The following RIMS1 variants were observed in gnomAD, a reference collection of about 807,000 sequenced individuals.
RIMS1 encodes regulating synaptic membrane exocytosis protein 1.
A neutral mutation model predicts 214.1 loss-of-function variants in RIMS1; 83 were observed. The observed-to-expected ratio is 0.39, with a 90% confidence interval of 0.32 to 0.47. The LOEUF is 0.47. RIMS1 is among the 20% of genes least tolerant of loss of function. The pLI, the probability that RIMS1 is intolerant of heterozygous loss-of-function variation, is 0.99. For missense variants in RIMS1, 2,050 were observed against 2,161.8 expected, an observed-to-expected ratio of 0.95 and a Z score of 1.03; for synonymous variants, 793 against 786.8, an observed-to-expected ratio of 1.01 and a Z score of -0.13.
At chr6:72,238,397 T>C (rs2065198580) in intron 9 of RIMS1, among the ~76,000 whole-genome samples, 1 of 152,092 alleles carries the variant, frequency 6.6e-6, no homozygotes, top group Non-Finnish European at 1.5e-5. Flanking sequence ...AGCATAATCA[T>C]AATCACATTT....
At chr6:71,986,182 T>C (rs1799882991) in intron 2 of RIMS1, among the ~76,000 whole-genome samples, 1 of 122,842 alleles carries the variant, frequency 8.1e-6, no homozygotes, top group Non-Finnish European at 1.7e-5. Context: ...ATCACAACTT[T>C]GGGTTTTGTT....
At chr6:72,326,380 C>T (rs2096465233) in intron 28 of RIMS1, among the ~76,000 whole-genome samples, 1 of 151,830 alleles carries the variant, frequency 6.6e-6, no homozygotes, top group South Asian at 2.1e-4. Context: ...CAAAGTCTGG[C>T]AAATGAAGGT....
chr6:72,256,024 GAAAAAA>G (rs60682826), intron 16 of RIMS1, among the ~76,000 whole-genome samples: 2 of 100,028 alleles, frequency 2.0e-5, no homozygotes, highest in Admixed American at 1.1e-4. Flanking sequence ...GACTCCATCT[GAAAAAA>G]AAAAAAAAAA....
At position 72,080,341 on chromosome 6, in the gene RIMS1, G is replaced by A. The variant is rs542171427; in HGVS notation, c.246-16608G>A. ...GTGCCTACCTGCACAGACTCTGGGA[G>A]AGTTAAAGCAAGGTAGAAGGAAGAT... On this transcript the variant is annotated intron_variant, in intron 2 of 33. Transcript: ENST00000521978. Among the ~76,000 whole-genome samples the A allele has an allele frequency of 2.6e-5, 4 of 152,240 alleles. No homozygotes were observed. The South Asian group carries it at 8.3e-4, about 32-fold the overall frequency.
rs201605556 is a variant in RIMS1 at position 71,896,250 on chromosome 6, TA to T, written c.164+9064del. On this transcript the variant is annotated intron_variant, in intron 1 of 33. Transcript: ENST00000521978. Reference sequence around the variant, plus strand: ...AAAATAAAATACAGTAAAGTCTTCTTATATTGAGAATGGATATTTCAATTTA... The same window carrying T: ...AAAATAAAATACAGTAAAGTCTTCTTTATTGAGAATGGATATTTCAATTTA... 3.3e-5 allele frequency among the ~76,000 whole-genome samples: 5 copies of T among 152,366 alleles called. No individual in the cohort carries two copies. The East Asian group carries it at 9.6e-4, about 29-fold the overall frequency.
intron 26 of RIMS1, among the ~76,000 whole-genome samples, chr6:72,295,372 T>C (rs1364716517): frequency 1.3e-5 from 2 of 151,942 alleles, no homozygotes; most frequent in South Asian, 2.1e-4. Flanking sequence ...TTACTTAAAT[T>C]AGAATTTTCT....
chr6:72,233,744 AC>A, intron 6 of RIMS1, 28 bp from the exon 7 acceptor site: 1 of 1,486,836 alleles, frequency 6.7e-7, no homozygotes, highest in Non-Finnish European at 9.2e-7. Context: ...TAATACCATT[AC>A]ACTTTTCATT....
At chr6:72,132,204 G>C (rs1430932154) in intron 4 of RIMS1, among the ~76,000 whole-genome samples, 1 of 152,152 alleles carries the variant, frequency 6.6e-6, no homozygotes, top group Non-Finnish European at 1.5e-5. Flanking sequence ...GAAATCACAA[G>C]GGTATTGATT....
intron 4 of RIMS1, among the ~76,000 whole-genome samples, chr6:72,175,149 T>A (rs2047528262): frequency 6.6e-6 from 1 of 152,212 alleles, no homozygotes; most frequent in Non-Finnish European, 1.5e-5. Flanking sequence ...AATGAGCAAC[T>A]GTAATTGACT....
At chr6:72,166,651 G>A (rs2046305158) in intron 4 of RIMS1, among the ~76,000 whole-genome samples, 1 of 151,734 alleles carries the variant, frequency 6.6e-6, no homozygotes, top group South Asian at 2.1e-4. Flanking sequence ...CAAGGTGGGA[G>A]GATCACTTGA....
At chr6:72,202,604 C>G (rs961650217) in intron 6 of RIMS1, among the ~76,000 whole-genome samples, 18 of 152,130 alleles carry the variant, frequency 1.2e-4, no homozygotes, top group Admixed American at 9.8e-4. Context: ...TAATTCAACT[C>G]AATGATAATA....
At chr6:72,338,447 A>G (rs1023376745) in intron 29 of RIMS1, among the ~76,000 whole-genome samples, 1 of 152,068 alleles carries the variant, frequency 6.6e-6, no homozygotes, top group Non-Finnish European at 1.5e-5. Flanking sequence ...AGCAATGGCA[A>G]CAAAAGCCAA....
At chr6:72,196,127 A>G (rs1562550613) in intron 6 of RIMS1, among the ~76,000 whole-genome samples, 1 of 152,100 alleles carries the variant, frequency 6.6e-6, no homozygotes, top group Non-Finnish European at 1.5e-5. Context: ...TTATTGGTTT[A>G]TGTATATTTC....
intron 6 of RIMS1, among the ~76,000 whole-genome samples, chr6:72,208,971 G>T (rs1298371446): frequency 1.3e-5 from 2 of 151,512 alleles, no homozygotes; most frequent in African/African-American, 4.9e-5. Context: ...TTAGGGCTCT[G>T]TAGCTTAGAA....
intron 2 of RIMS1, among the ~76,000 whole-genome samples, chr6:72,014,397 T>G (rs575458932): frequency 2.6e-5 from 4 of 152,374 alleles, no homozygotes; most frequent in African/African-American, 9.6e-5. Context: ...TAGCATAATC[T>G]TTCAAGGTTC....
At chr6:72,134,330 G>A (rs1324351603) in intron 4 of RIMS1, among the ~76,000 whole-genome samples, 1 of 151,604 alleles carries the variant, frequency 6.6e-6, no homozygotes, top group Non-Finnish European at 1.5e-5. Context: ...GTATATATGT[G>A]GATTTTCATT....
intron 1 of RIMS1, among the ~76,000 whole-genome samples, chr6:71,903,159 T>C (rs1246585293): frequency 3.3e-5 from 5 of 152,106 alleles, no homozygotes; most frequent in Non-Finnish European, 7.4e-5. Context: ...GTAGAAGCAT[T>C]CCTTTTTCTC....
intron 29 of RIMS1, among the ~76,000 whole-genome samples, chr6:72,387,901 G>T (rs1165901067): frequency 6.6e-6 from 1 of 152,138 alleles, no homozygotes; most frequent in Non-Finnish European, 1.5e-5. Context: ...GTTTAATGAT[G>T]AACCACATAG....
intron 3 of RIMS1, among the ~76,000 whole-genome samples, chr6:72,099,068 T>C (rs2032831724): frequency 6.6e-6 from 1 of 152,226 alleles, no homozygotes; most frequent in East Asian, 1.9e-4. Context: ...GAAAAGATGT[T>C]GGCAGTGAAC....
Sources: allele counts gnomAD v4.1 joint callset (sites outside exome capture counted in the v4.1 genomes callset), GRCh38; gene constraint gnomAD v4.1.1; transcripts MANE v1.5; gene names NCBI Gene and HGNC (gene_info 2026-07-23, HGNC 2026-07-21).